Variants in QSOX1 observed in about 807,000 individuals in gnomAD.
QSOX1 encodes quiescin sulfhydryl oxidase 1.
A neutral mutation model predicts 76.1 loss-of-function variants in QSOX1; 40 were observed. That is an observed-to-expected ratio of 0.53 (90% CI 0.41 to 0.68). The LOEUF (loss-of-function observed/expected upper bound fraction) is 0.68. QSOX1 is among the 30% of genes least tolerant of loss of function. The pLI is 0.00. For synonymous variants in QSOX1, 392 were observed against 413.1 expected, an observed-to-expected ratio of 0.95 and a Z score of 0.62; for missense variants, 931 against 974.3, an observed-to-expected ratio of 0.96 and a Z score of 0.59.
intron 1 of QSOX1, among the ~76,000 whole-genome samples, chr1:180,161,189 A>G (rs573568292): frequency 1.7e-3 from 265 of 152,326 alleles, no homozygotes; most frequent in Non-Finnish European, 2.8e-3. Flanking sequence ...TAAATAAAAT[A>G]AAATTCAGAC....
intron 1 of QSOX1, among the ~76,000 whole-genome samples, chr1:180,164,510 G>A (rs1440930026): frequency 6.6e-6 from 1 of 152,190 alleles, no homozygotes; most frequent in East Asian, 1.9e-4. Context: ...AGGGGGTGGT[G>A]TGGCCACAGG....
chr1:180,197,937 A>G lies in QSOX1; in HGVS notation c.*900A>G. 2.9e-6 allele frequency: 1 copy of G among 342,282 alleles called. No individual in the cohort carries two copies. The highest frequency in any genetic ancestry group is 5.8e-6 in the Non-Finnish European group (1 of 171,486). 21.2% of individuals were successfully genotyped at this position (342,282 alleles called of 1,614,324 possible). A position where few individuals can be genotyped will look rare whatever the true frequency, so the allele number is the denominator to read the frequency against. ...TTTCACCTTCCAGTGTGCAGAAGTT[A>G]GAAGGGTCTGGCGGGGGCAGTGCCT... On this transcript the variant is annotated 3_prime_UTR_variant, in exon 12 of 12. Coordinates refer to ENST00000367602, the MANE Select transcript of QSOX1 (RefSeq NM_002826.5).
chr1:180,172,172 CT>C (rs139331472), intron 2 of QSOX1, among the ~76,000 whole-genome samples: 4,560 of 152,280 alleles, frequency 0.03, 107 homozygotes, highest in Middle Eastern at 0.085. Flanking sequence ...CCTTCCCATC[CT>C]TTCCTTTTTT....
Position 180,198,275 on chromosome 1 carries a change from C to T in QSOX1, c.*1238C>T. 2.2e-6 allele frequency: 1 copy of T among 456,666 alleles called. No individual in the cohort carries two copies. The highest frequency in any genetic ancestry group is 1.5e-5 in the South Asian group (1 of 64,560). 28.3% of individuals were successfully genotyped at this position (456,666 alleles called of 1,614,324 possible). On this transcript the variant is annotated 3_prime_UTR_variant, in exon 12 of 12. Coordinates refer to ENST00000367602, the MANE Select transcript of QSOX1 (RefSeq NM_002826.5). ...CTGCCCCAATCCTCCCTGAGAGCTC[C>T]TGCCTCAGTGCCCTGGGCTGGTGAG...
intron 1 of QSOX1, among the ~76,000 whole-genome samples, chr1:180,166,087 C>A (rs1277982708): frequency 6.6e-6 from 1 of 152,038 alleles, no homozygotes; most frequent in East Asian, 1.9e-4. Context: ...TCTCCACCCT[C>A]TGGAACTGAT....
chr1:180,181,266 C>T (rs1286974720), intron 5 of QSOX1, among the ~76,000 whole-genome samples: 1 of 152,152 alleles, frequency 6.6e-6, no homozygotes, highest in Non-Finnish European at 1.5e-5. Context: ...GGGGCGCCAC[C>T]TGCTCCATGG....
chr1:180,188,316 C>A (rs1289965289), intron 8 of QSOX1, among the ~76,000 whole-genome samples: 4 of 152,236 alleles, frequency 2.6e-5, no homozygotes, highest in African/African-American at 9.6e-5. Flanking sequence ...TCCCACCCGG[C>A]CTCTCCCAGC....
At chr1:180,190,373 C>T (rs1034945436) in intron 9 of QSOX1, 60 bp from the exon 10 acceptor site, 1 of 1,544,136 alleles carries the variant, frequency 6.5e-7, no homozygotes, top group South Asian at 1.1e-5. Context: ...AAGCTTCTGT[C>T]TCTGCCTCTC....
Position 180,166,471 on chromosome 1 carries a change from T to A in QSOX1, c.266-20T>A, listed in dbSNP as rs1212816106. On this transcript the variant is annotated intron_variant, in intron 1 of 11. Coordinates refer to ENST00000367602, the MANE Select transcript of QSOX1 (RefSeq NM_002826.5). ...GGTACCAGCCCCTCTTATTTACCCC[T>A]GGGTTTTTTGTCCTTTCAGCCTGGA... 6 of 1,608,290 alleles carry A rather than the reference T, an allele frequency of 3.7e-6. No homozygotes were observed. The highest frequency in any genetic ancestry group is 5.1e-6 in the Non-Finnish European group (6 of 1,175,088).
At position 180,168,554 on chromosome 1, in the gene QSOX1, A is replaced by G. The variant is rs576984729; in HGVS notation, c.366+1963A>G. 1.7e-4 allele frequency among the ~76,000 whole-genome samples: 26 copies of G among 152,384 alleles called. 1 individual carries two copies. The South Asian group carries it at 5.2e-3, about 30-fold the overall frequency. ...TTCTTACTGTGACCAACTGTAAGCA[A>G]TACACATTTTTACATTGTGATCCCA... On this transcript the variant is annotated intron_variant, in intron 2 of 11. Transcript: ENST00000367602.
chr1:180,190,300 GGGAAA>G, intron 9 of QSOX1, 128 bp from the exon 10 acceptor site: 1 of 1,053,026 alleles, frequency 9.5e-7, no homozygotes, highest in Non-Finnish European at 1.4e-6. Context: ...ACTGGTGAAA[GGGAAA>G]TGCCACCTTC....
rs1244894316 is a variant in QSOX1, at chr1:180,189,598, A to G, written c.1064A>G (p.Asn355Ser). ...PLVQNFLHSVNEWLKRQKRNK... is the reference protein window; with the variant it reads ...PLVQNFLHSVSEWLKRQKRNK... Reference sequence around the variant, plus strand: ...GTCCAGAACTTCCTGCACTCCGTGAATGAATGGCTCAAGAGGCAGAAGAGA... The same window carrying G: ...GTCCAGAACTTCCTGCACTCCGTGAGTGAATGGCTCAAGAGGCAGAAGAGA... The change falls in exon 9 of 12, where the codon AAT becomes AGT. Residue 355 changes from asparagine to serine, a missense_variant. Coordinates refer to ENST00000367602, the MANE Select transcript of QSOX1 (RefSeq NM_002826.5). The G allele has an allele frequency of 1.9e-6, 3 of 1,613,228 alleles. No homozygotes were observed. The highest frequency in any genetic ancestry group is 1.3e-5 in the African/African-American group (1 of 74,868).
chr1:180,156,277 A>G (rs1342172794), intron 1 of QSOX1, among the ~76,000 whole-genome samples: 3 of 152,152 alleles, frequency 2.0e-5, no homozygotes, highest in Non-Finnish European at 2.9e-5. Context: ...TGGTATAGTG[A>G]TAGTGATTTG....
chr1:180,174,120 C>T (rs1238404225), intron 2 of QSOX1, among the ~76,000 whole-genome samples: 2 of 152,248 alleles, frequency 1.3e-5, no homozygotes, highest in African/African-American at 2.4e-5. Flanking sequence ...GGCCCCGAGG[C>T]TAGAGTCCCA....
At chr1:180,178,956 T>A in intron 5 of QSOX1, 72 bp downstream of exon 5, 1 of 1,373,830 alleles carries the variant, frequency 7.3e-7, no homozygotes, top group Non-Finnish European at 1.0e-6. Flanking sequence ...GGAGCAGGGC[T>A]TTTCCTGCCA....
chr1:180,189,864 A>G (rs1433049581), intron 9 of QSOX1, among the ~76,000 whole-genome samples, 190 bp downstream of exon 9: 1 of 152,186 alleles, frequency 6.6e-6, no homozygotes, highest in African/African-American at 2.4e-5. Context: ...TTTAATCCTC[A>G]TAATGTTAGT....
At chr1:180,157,198 G>A (rs1042076653) in intron 1 of QSOX1, among the ~76,000 whole-genome samples, 1 of 152,246 alleles carries the variant, frequency 6.6e-6, no homozygotes, top group Non-Finnish European at 1.5e-5. Context: ...GGGTAAATGG[G>A]AGGTGGGAGA....
rs768312553 is a variant in QSOX1, at chr1:180,196,977, C to T, written c.2184C>T (p.Tyr728=). 15 of 1,612,166 alleles carry T rather than the reference C, an allele frequency of 9.3e-6. No individual in the cohort carries two copies. The highest frequency in any genetic ancestry group is 1.3e-5 in the Non-Finnish European group (15 of 1,178,886). The change falls in exon 12 of 12, where the codon TAC becomes TAT. Residue 728 remains tyrosine, a synonymous_variant. Transcript: ENST00000367602. This position sits in a 1 kb window ranked among gnomAD's most constrained non-coding sequence, Gnocchi z 4.1. ...SLSFMGLLAM[Y]TYFQAKIRAL... Reference sequence around the variant, plus strand: ...CCTTCATGGGCCTGCTGGCCATGTACACCTACTTCCAGGCCAAGATAAGGG... The same window carrying T: ...CCTTCATGGGCCTGCTGGCCATGTATACCTACTTCCAGGCCAAGATAAGGG...
intron 4 of QSOX1, 87 bp downstream of exon 4, chr1:180,176,120 G>A: frequency 9.1e-7 from 1 of 1,096,562 alleles, no homozygotes; most frequent in Non-Finnish European, 1.3e-6. Context: ...GCAGGGCGGG[G>A]ACCCCAGTTT....
Sources: gnomAD v4.1 joint callset for allele counts (sites outside exome capture counted in the v4.1 genomes callset) on GRCh38, gnomAD v4.1.1 for gene constraint, Gnocchi (gnomAD v3.1) non-coding constraint, MANE v1.5 for transcripts, NCBI Gene and HGNC (gene_info 2026-07-23, HGNC 2026-07-21) for gene names.